VWA8: variants seen among roughly 807,000 people sequenced by gnomAD.
The protein encoded by VWA8 is von Willebrand factor A domain-containing protein 8.
A neutral mutation model predicts 241.5 loss-of-function variants in VWA8; 221 were observed. The observed-to-expected ratio is 0.91, with a 90% CI of 0.82 to 1.02. The LOEUF (loss-of-function observed/expected upper bound fraction) is 1.02, where lower values mean the gene tolerates loss of function less well. Ranked by LOEUF, VWA8 falls within the 50% of genes least tolerant of loss-of-function variation. VWA8 has a pLI of 0.00. For synonymous variants in VWA8, 852 were observed against 827.1 expected, an observed-to-expected ratio of 1.03 and a Z score of -0.52; for missense variants, 2,322 against 2,328.7, an observed-to-expected ratio of 1.00 and a Z score of 0.06.
chr13:41,941,783 T>C (rs1399191221), intron 2 of VWA8, among the ~76,000 whole-genome samples: 1 of 152,166 alleles, frequency 6.6e-6, no homozygotes, highest in Non-Finnish European at 1.5e-5. Context: ...GATTTAATCA[T>C]TATAATATAT....
rs201868054 is a variant in VWA8 at position 41,887,280 on chromosome 13, C to T, written c.733G>A (p.Val245Met). Residue 245 changes from valine to methionine, a missense_variant, in exon 6 of 45, where the codon GTG becomes ATG. Coordinates refer to ENST00000379310, the MANE Select transcript of VWA8 (RefSeq NM_015058.2). ...AATGGATTCCCAGAATACCTTGGCACTGGCAAGCCCAAGGCAATCACTCGG... is the reference window on the plus strand; with the variant it reads ...AATGGATTCCCAGAATACCTTGGCATTGGCAAGCCCAAGGCAATCACTCGG... ...NFRVIALGLP[V>M]PRYSGNPLDP... The T allele has an allele frequency of 1.9e-4, 306 of 1,613,626 alleles. No individual in the cohort carries two copies. Among genetic ancestry groups the T allele is most frequent in the Admixed American group, 3.2e-4 (19 of 59,896 alleles).
intron 37 of VWA8, among the ~76,000 whole-genome samples, chr13:41,663,757 C>T (rs896710964): frequency 1.3e-5 from 2 of 151,726 alleles, no homozygotes. Flanking sequence ...ATACAGTCCC[C>T]GACTTACGAT....
At position 41,573,691 on chromosome 13, in the gene VWA8, C is replaced by G. The variant is rs977388448; in HGVS notation, c.5370+2049G>C. Among the ~76,000 whole-genome samples, 6 of 150,656 alleles carry G rather than the reference C, an allele frequency of 4.0e-5. No homozygotes were observed. The East Asian group carries it at 1.2e-3, about 29-fold the overall frequency. On this transcript the variant is annotated intron_variant, in intron 43 of 44. Transcript: ENST00000379310. ...AGACCTCAGTGGCGTGATCTTGGTT[C>G]GCTGCAGCCTCTGCCTCCCGGGTTC...
chr13:41,956,607 T>G (rs948477371), intron 1 of VWA8, among the ~76,000 whole-genome samples: 40 of 152,236 alleles, frequency 2.6e-4, no homozygotes, highest in African/African-American at 8.9e-4. Flanking sequence ...TATAGTTCTT[T>G]CCTCTTTACA....
intron 37 of VWA8, among the ~76,000 whole-genome samples, chr13:41,660,578 T>A (rs1488439026): frequency 1.3e-5 from 2 of 152,190 alleles, no homozygotes; most frequent in African/African-American, 2.4e-5. Context: ...GTCCCATTCA[T>A]CCTGGGGAAG....
chr13:41,719,289 A>G, intron 26 of VWA8: 2 of 1,074,588 alleles, frequency 1.9e-6, no homozygotes, highest in Non-Finnish European at 2.3e-6. Context: ...GCACTGGATT[A>G]TACGAAATAG....
At position 41,830,615 on chromosome 13, in the gene VWA8, G is replaced by T; in HGVS notation, c.1614C>A (p.Leu538=). 6.2e-7 allele frequency: 1 copy of T among 1,613,626 alleles called. No individual in the cohort carries two copies. The highest frequency in any genetic ancestry group is 8.5e-7 in the Non-Finnish European group (1 of 1,179,784). ...QRLIHDRELS[L]YDGSRLLRED... ...CTCTCAGCAGCCTAGAACCATCATA[G>T]AGGCTTAGCTCTCGATCATGGATTA... The change falls in exon 14 of 45, where the codon CTC becomes CTA. Residue 538 remains leucine, a synonymous_variant. Coordinates refer to ENST00000379310, the MANE Select transcript of VWA8 (RefSeq NM_015058.2).
In VWA8 at chr13:41,873,095, C is replaced by T. The variant is rs995631392; in HGVS notation, c.1081-4618G>A. The stretch of plus-strand genomic sequence containing the variant: ...TTGTGAATGACTACTGGGTACATAA[C>T]GAAATGAAGGCAGAAATAAAGATGT... On this transcript the variant is annotated intron_variant, in intron 9 of 44. Transcript: ENST00000379310. Among the ~76,000 whole-genome samples the T allele has an allele frequency of 4.0e-5, 6 of 151,752 alleles. No homozygotes were observed. In the East Asian group the frequency reaches 5.8e-4, roughly 15 times the overall value.
At chr13:41,600,212 TG>T (rs535883732) in intron 40 of VWA8, among the ~76,000 whole-genome samples, 112 of 152,232 alleles carry the variant, frequency 7.4e-4, no homozygotes, top group Middle Eastern at 6.8e-3. Flanking sequence ...TCTCCTGACG[TG>T]GGGTTTTCAA....
chr13:41,718,096 G>A (rs774425015), intron 26 of VWA8, among the ~76,000 whole-genome samples: 21 of 151,818 alleles, frequency 1.4e-4, no homozygotes, highest in Non-Finnish European at 2.8e-4. Context: ...CAATTAATAT[G>A]TATTTTAATT....
chr13:41,715,140 G>C (rs1345164966), intron 26 of VWA8, among the ~76,000 whole-genome samples: 1 of 151,742 alleles, frequency 6.6e-6, no homozygotes, highest in African/African-American at 2.4e-5. Context: ...TAGGTCCGTT[G>C]GGAGAATTAT....
At chr13:41,909,057 T>TAA (rs1403989013) in intron 3 of VWA8, among the ~76,000 whole-genome samples, 14 of 146,830 alleles carry the variant, frequency 9.5e-5, no homozygotes, top group Middle Eastern at 3.5e-3. Context: ...GAAAAAAATT[T>TAA]TTTTTTTTTT....
intron 26 of VWA8, among the ~76,000 whole-genome samples, chr13:41,710,632 T>C (rs1176179950): frequency 1.3e-5 from 2 of 152,206 alleles, no homozygotes; most frequent in East Asian, 1.9e-4. Flanking sequence ...CAGAGTGGAA[T>C]TGTACACCTT....
At chr13:41,745,072 C>G (rs938402413) in intron 21 of VWA8, among the ~76,000 whole-genome samples, 2 of 152,018 alleles carry the variant, frequency 1.3e-5, no homozygotes, top group Non-Finnish European at 2.9e-5. Flanking sequence ...ATCTCCTGAC[C>G]TCATTATCCA....
At chr13:41,891,221 A>G (rs1874822702) in intron 5 of VWA8, among the ~76,000 whole-genome samples, 199 bp downstream of exon 5, 1 of 152,112 alleles carries the variant, frequency 6.6e-6, no homozygotes, top group Non-Finnish European at 1.5e-5. Flanking sequence ...AAAGACAGTA[A>G]AAATCTGGGA....
chr13:41,617,118 A>ATTTTTTTTTTTTTTTTTTTT (rs901324222), intron 37 of VWA8, among the ~76,000 whole-genome samples: 1 of 147,686 alleles, frequency 6.8e-6, no homozygotes, highest in Non-Finnish European at 1.5e-5. Context: ...TGGAGATACT[A>ATTTTTTTTTTTTTTTTTTTT]TTTTTTTTTT....
chr13:41,690,129 C>T (rs1354494780), intron 33 of VWA8, 37 bp downstream of exon 33: 1 of 1,569,450 alleles, frequency 6.4e-7, no homozygotes, highest in South Asian at 1.1e-5. Context: ...CAAGCATGCA[C>T]TCACACAGCC....
chr13:41,889,703 T>A (rs1156869917), intron 5 of VWA8, among the ~76,000 whole-genome samples: 2 of 152,142 alleles, frequency 1.3e-5, no homozygotes, highest in Non-Finnish European at 2.9e-5. Flanking sequence ...GACTCGCATA[T>A]CCTGAATTCC....
intron 29 of VWA8, among the ~76,000 whole-genome samples, chr13:41,697,033 T>C (rs996536867): frequency 6.6e-6 from 1 of 152,224 alleles, no homozygotes; most frequent in Non-Finnish European, 1.5e-5. Context: ...TCTACGTGGA[T>C]ATTTAATAGA....
Sources: allele counts gnomAD v4.1 joint callset (sites outside exome capture counted in the v4.1 genomes callset), GRCh38; gene constraint gnomAD v4.1.1; transcripts MANE v1.5; gene names NCBI Gene and HGNC (gene_info 2026-07-23, HGNC 2026-07-21).